The following KCNAB2 variants were observed in gnomAD, a reference collection of about 807,000 sequenced individuals.
The protein encoded by KCNAB2 is voltage-gated potassium channel subunit beta-2.
KCNAB2 carries 29 observed loss-of-function variants against 63.6 expected under a neutral mutation model. The observed-to-expected ratio is 0.46, with a 90% CI of 0.34 to 0.62. KCNAB2 has a LOEUF of 0.62. Ranked by LOEUF, KCNAB2 falls within the 20% of genes least tolerant of loss-of-function variation. The pLI, the probability that KCNAB2 is intolerant of heterozygous loss-of-function variation, is 0.01. For missense variants in KCNAB2, 359 were observed against 563.9 expected, an observed-to-expected ratio of 0.64 and a Z score of 3.68; for synonymous variants, 222 against 224.2, an observed-to-expected ratio of 0.99 and a Z score of 0.09.
intron 2 of KCNAB2, among the ~76,000 whole-genome samples, chr1:6,072,537 C>G (rs1428501464): frequency 6.6e-6 from 1 of 152,198 alleles, no homozygotes; most frequent in East Asian, 1.9e-4. Context: ...CAGCAGGGCC[C>G]GTGCCAGCAG....
In KCNAB2 at chr1:6,071,972, C is replaced by T. The variant is rs140724832; in HGVS notation, c.219-783C>T. Reference sequence around the variant, plus strand: ...GCCTGGCCTGCTGCAACCCTGCAGGCTCCTAGGCAACCTGTGCCAGGACAT... The same window carrying T: ...GCCTGGCCTGCTGCAACCCTGCAGGTTCCTAGGCAACCTGTGCCAGGACAT... On this transcript the variant is annotated intron_variant, in intron 2 of 15. Transcript: ENST00000378083. The surrounding 1 kb of genome is among the most constrained non-coding windows in gnomAD (Gnocchi z 8.5). 9.8e-5 allele frequency among the ~76,000 whole-genome samples: 15 copies of T among 152,300 alleles called. No homozygotes were observed. Among genetic ancestry groups the T allele is most frequent in the African/African-American group, 3.6e-4 (15 of 41,570 alleles).
At chr1:5,992,966 ACCT>A (rs1165025810) in intron 1 of KCNAB2, among the ~76,000 whole-genome samples, 2 of 149,228 alleles carry the variant, frequency 1.3e-5, no homozygotes, top group East Asian at 2.0e-4. Flanking sequence ...CAGCCTCCTC[ACCT>A]CCTTCTCCAT....
chr1:6,057,138 A>C (rs1170219766), intron 2 of KCNAB2, among the ~76,000 whole-genome samples: 2 of 150,572 alleles, frequency 1.3e-5, no homozygotes, highest in African/African-American at 4.9e-5. Flanking sequence ...GACAGGACTG[A>C]CTGGAAGCTG....
upstream of KCNAB2, chr1:6,041,499 G>A (rs1349538974): frequency 2.9e-6 from 1 of 350,146 alleles, no homozygotes; most frequent in Non-Finnish European, 5.4e-6. Context: ...CAAGCATATT[G>A]CAAAGCAAGT....
intron 1 of KCNAB2, among the ~76,000 whole-genome samples, chr1:6,000,625 A>T (rs1206019359): frequency 6.6e-6 from 1 of 151,100 alleles, no homozygotes; most frequent in Non-Finnish European, 1.5e-5. Flanking sequence ...GACAGTTATC[A>T]ACAGACCCTG....
Position 6,003,043 on chromosome 1 carries a change from A to G in KCNAB2, c.-53+10255A>G, listed in dbSNP as rs1187505497. Among the ~76,000 whole-genome samples the G allele has an allele frequency of 1.3e-5, 2 of 152,176 alleles. No individual in the cohort carries two copies. Among genetic ancestry groups the G allele is most frequent in the African/African-American group, 4.8e-5 (2 of 41,456 alleles). ...AGGTCACACAGCTACCAGAGGACAG[A>G]GCTAGAACATGACCGCAGCAGACGC... is the stretch of plus-strand genomic sequence containing the variant. On this transcript the variant is annotated intron_variant, in intron 1 of 16. Transcript: ENST00000341524. This position sits in a 1 kb window ranked among gnomAD's most constrained non-coding sequence, Gnocchi z 4.1.
chr1:6,086,110 G>T lies in KCNAB2; in HGVS notation c.425+862G>T. 1.0e-6 allele frequency: 1 copy of T among 985,402 alleles called. No individual in the cohort carries two copies. The highest frequency in any genetic ancestry group is 1.2e-6 in the Non-Finnish European group (1 of 829,932). The allele number at this position is 985,402 out of a possible 1,614,324, so 61.0% of individuals were successfully genotyped here. A position where few individuals can be genotyped will look rare whatever the true frequency, so the allele number is the denominator to read the frequency against. On this transcript the variant is annotated intron_variant, in intron 6 of 15. Coordinates refer to ENST00000378083, the MANE Select transcript of KCNAB2 (RefSeq NM_001199862.2). This position sits in a 1 kb window ranked among gnomAD's most constrained non-coding sequence, Gnocchi z 4.2. ...GGACACAGCTTTATCTCAAGGTGCT[G>T]ACAAGCCCCGGGGCCCTGTTCCTTA... is the stretch of plus-strand genomic sequence containing the variant.
At chr1:6,007,137 C>A (rs1022036294) in intron 1 of KCNAB2, among the ~76,000 whole-genome samples, 2 of 152,134 alleles carry the variant, frequency 1.3e-5, no homozygotes, top group Non-Finnish European at 2.9e-5. Context: ...ATCAGCCAGG[C>A]GAGCTGGGAG....
rs1174962671 is a variant in KCNAB2, at chr1:6,100,101, G to A, written c.*1527G>A. ...CTGTTCCCGCTTTGCCCCTGGAGGA[G>A]CCACTATTCCAGAAGGCTCCACCCT... On this transcript the variant is annotated 3_prime_UTR_variant, in exon 16 of 16. Transcript: ENST00000378083. 1.9e-5 allele frequency: 28 copies of A among 1,447,884 alleles called. No individual in the cohort carries two copies. The highest frequency in any genetic ancestry group is 2.4e-5 in the Non-Finnish European group (26 of 1,098,288). The allele number at this position is 1,447,884 out of a possible 1,614,324, so 89.7% of individuals were successfully genotyped here. A position where few individuals can be genotyped will look rare whatever the true frequency, so the allele number is the denominator to read the frequency against.
Position 6,086,078 on chromosome 1 carries a change from G to C in KCNAB2, c.425+830G>C. 2.0e-6 allele frequency: 2 copies of C among 985,428 alleles called. No homozygotes were observed. Among genetic ancestry groups the C allele is most frequent in the Non-Finnish European group, 2.4e-6 (2 of 829,942 alleles). 61.0% of individuals were successfully genotyped at this position (985,428 alleles called of 1,614,324 possible). On this transcript the variant is annotated intron_variant, in intron 6 of 15. Transcript: ENST00000378083. The surrounding 1 kb of genome is among the most constrained non-coding windows in gnomAD (Gnocchi z 4.2). ...CTTGCCTACATTTTGAGGCTCCCCA[G>C]ACCCCTGGACACAGCTTTATCTCAA...
intron 8 of KCNAB2, among the ~76,000 whole-genome samples, chr1:6,090,084 T>A (rs1665058267): frequency 6.6e-6 from 1 of 152,248 alleles, no homozygotes; most frequent in African/African-American, 2.4e-5. Context: ...CTCCCTGTTG[T>A]AATACACAGT....
rs1297659058 is a variant in KCNAB2 at position 6,051,622 on chromosome 1, C to T, written c.86C>T (p.Thr29Met). ...TGGGCCCTGCACCCCGTCCGCCAGA[C>T]GGACACGCTGGAACTGCAGCGGCTG... ...SEWALHPVRQTDTLELQRLRE... is the reference protein window; with the variant it reads ...SEWALHPVRQMDTLELQRLRE... The change falls in exon 2 of 16, where the codon ACG becomes ATG. Residue 29 changes from threonine (T) to methionine (M), a missense_variant. This residue lies in a region of KCNAB2 where 88 missense variants were observed against 87.8 expected (regional missense o/e 1.00). Transcript: ENST00000378083. 1.4e-5 allele frequency: 22 copies of T among 1,534,618 alleles called. No individual in the cohort carries two copies. The highest frequency in any genetic ancestry group is 2.4e-5 in the South Asian group (2 of 83,978).
In KCNAB2 at chr1:6,074,681, C is replaced by T. The variant is rs1663512500; in HGVS notation, c.300+911C>T. Among the ~76,000 whole-genome samples the T allele has an allele frequency of 2.0e-5, 3 of 152,090 alleles. No homozygotes were observed. Among genetic ancestry groups the T allele is most frequent in the South Asian group, 2.1e-4 (1 of 4,814 alleles). On this transcript the variant is annotated intron_variant, in intron 4 of 15. Coordinates refer to ENST00000378083, the MANE Select transcript of KCNAB2 (RefSeq NM_001199862.2). This position sits in a 1 kb window ranked among gnomAD's most constrained non-coding sequence, Gnocchi z 4.9. ...TTTTATCTTTAAGACACTAGCTGGC[C>T]GGGCGCGGTGACTCACACCTGTAAC...
rs1665932093 is a variant in KCNAB2 at position 6,100,082 on chromosome 1, C to G, written c.*1508C>G. 1 of 1,455,866 alleles carries G rather than the reference C, an allele frequency of 6.9e-7. No homozygotes were observed. The highest frequency in any genetic ancestry group is 9.1e-7 in the Non-Finnish European group (1 of 1,102,078). 90.2% of individuals were successfully genotyped at this position (1,455,866 alleles called of 1,614,324 possible). On this transcript the variant is annotated 3_prime_UTR_variant, in exon 16 of 16. Coordinates refer to ENST00000378083, the MANE Select transcript of KCNAB2 (RefSeq NM_001199862.2). The stretch of plus-strand genomic sequence containing the variant: ...ACCCTCAGTGCAGGCACCTCTGTTC[C>G]CGCTTTGCCCCTGGAGGAGCCACTA...
At chr1:6,091,806 C>T (rs920019039) in intron 10 of KCNAB2, among the ~76,000 whole-genome samples, 3 of 152,208 alleles carry the variant, frequency 2.0e-5, no homozygotes, top group African/African-American at 7.2e-5. Flanking sequence ...CACGCTGCCC[C>T]GTCCACAGCA....
At chr1:6,056,848 G>C (rs769415876) in intron 2 of KCNAB2, among the ~76,000 whole-genome samples, 2 of 151,840 alleles carry the variant, frequency 1.3e-5, no homozygotes, top group Non-Finnish European at 2.9e-5. Flanking sequence ...TCTAAGCTTG[G>C]TCCCCAAAGA....
At position 6,098,119 on chromosome 1, in the gene KCNAB2, C is replaced by T. The variant is rs957662433; in HGVS notation, c.1159-366C>T. ...GAAGTCGGTCCCCGGGTGTGTCACC[C>T]GGAAGGGTGGCGGTGCTGTATGCTG... On this transcript the variant is annotated intron_variant, in intron 15 of 15. Transcript: ENST00000378083. 92 of 1,014,082 alleles carry T rather than the reference C, an allele frequency of 9.1e-5. No individual in the cohort carries two copies. In the African/African-American group the frequency reaches 1.3e-3, roughly 14 times the overall value. 62.8% of individuals were successfully genotyped at this position (1,014,082 alleles called of 1,614,324 possible).
At chr1:6,095,265 G>C in intron 11 of KCNAB2, 58 bp from the exon 12 acceptor site, 3 of 1,541,044 alleles carry the variant, frequency 1.9e-6, no homozygotes, top group African/African-American at 2.7e-5. Context: ...TGGCTGCCCC[G>C]GCAGCCTCCC....
chr1:6,037,334 C>T (rs1281530295), intron 1 of KCNAB2, among the ~76,000 whole-genome samples: 1 of 152,212 alleles, frequency 6.6e-6, no homozygotes, highest in Non-Finnish European at 1.5e-5. Context: ...CACAGGCATC[C>T]CAGCCCCCAT....
Sources: allele counts gnomAD v4.1 joint callset (sites outside exome capture counted in the v4.1 genomes callset), GRCh38; gene constraint gnomAD v4.1.1; regional missense constraint gnomAD v4.1.1; non-coding constraint Gnocchi (gnomAD v3.1); transcripts MANE v1.5; gene names NCBI Gene and HGNC (gene_info 2026-07-23, HGNC 2026-07-21).